SLC9B2: variants seen among roughly 807,000 people sequenced by gnomAD.
SLC9B2 encodes sodium/hydrogen exchanger 9B2.
Under a neutral mutation model 52.2 loss-of-function variants are expected in SLC9B2, and 39 were observed. The ratio of observed to expected loss-of-function variants is 0.75; its 90% CI spans 0.58 to 0.98. The LOEUF (loss-of-function observed/expected upper bound fraction) is 0.98, where lower values mean the gene tolerates loss of function less well. SLC9B2 is among the 50% of genes least tolerant of loss of function. The pLI is 0.00. For synonymous variants in SLC9B2, 214 were observed against 227.0 expected (o/e 0.94, Z 0.51); for missense variants, 626 against 637.5 (o/e 0.98, Z 0.19).
chr4:103,040,734 G>A (rs1743562150), intron 9 of SLC9B2, among the ~76,000 whole-genome samples: 1 of 152,192 alleles, frequency 6.6e-6, no homozygotes, highest in Admixed American at 6.6e-5. Context: ...CAATTTCACT[G>A]TTAAAGAAAC....
chr4:103,038,170 CT>C (rs1743337790), intron 9 of SLC9B2, among the ~76,000 whole-genome samples: 1 of 152,080 alleles, frequency 6.6e-6, no homozygotes. Context: ...CAACGTAAGA[CT>C]TTAGTTGATA....
In SLC9B2 at chr4:103,024,079, T is replaced by A. The variant is rs1742001470; in HGVS notation, c.*2291A>T. On this transcript the variant is annotated 3_prime_UTR_variant, in exon 12 of 12. Coordinates refer to ENST00000394785, the MANE Select transcript of SLC9B2 (RefSeq NM_178833.7). ...TTGGATTGATTGAGTGCTCCTGCCA[T>A]GAGCTCCCTAGCAGCCCTGTAGTTC... Among the ~76,000 whole-genome samples the A allele has an allele frequency of 6.6e-6, 1 of 152,180 alleles. No individual in the cohort carries two copies. Among genetic ancestry groups the A allele is most frequent in the African/African-American group, 2.4e-5 (1 of 41,444 alleles).
chr4:103,037,868 T>A (rs1436158761), intron 9 of SLC9B2, among the ~76,000 whole-genome samples: 1 of 152,038 alleles, frequency 6.6e-6, no homozygotes, highest in Non-Finnish European at 1.5e-5. Context: ...TAAGACTTTT[T>A]TTTTTTTTTT....
At position 103,066,450 on chromosome 4, in the gene SLC9B2, T is replaced by C. The variant is rs754114998; in HGVS notation, c.148A>G (p.Ile50Val). The C allele has an allele frequency of 6.2e-7, 1 of 1,614,136 alleles. No homozygotes were observed. The highest frequency in any genetic ancestry group is 1.1e-5 in the South Asian group (1 of 91,080). The change falls in exon 3 of 12, where the codon ATT becomes GTT. Residue 50 changes from isoleucine (I) to valine (V), a missense_variant. Ile to Val is a conservative substitution (Grantham distance 29, BLOSUM62 3). Coordinates refer to ENST00000394785, the MANE Select transcript of SLC9B2 (RefSeq NM_178833.7). ...IDANEPTEGS[I>V]LLKSSEKKLQ... The stretch of plus-strand genomic sequence containing the variant: ...TTTTTTTCACTGCTTTTCAAAAGAA[T>C]ACTTCCTTCTGTTGGTTCATTTGCA...
At chr4:103,037,688 A>G (rs1294041353) in intron 9 of SLC9B2, among the ~76,000 whole-genome samples, 1 of 152,204 alleles carries the variant, frequency 6.6e-6, no homozygotes, top group Non-Finnish European at 1.5e-5. Flanking sequence ...CTTGCCTCTC[A>G]GCACCTCACT....
chr4:103,043,271 C>A (rs772669553), intron 9 of SLC9B2, 25 bp downstream of exon 9: 2 of 1,585,744 alleles, frequency 1.3e-6, no homozygotes, highest in Non-Finnish European at 1.7e-6. Context: ...GAGTCATGAG[C>A]AGAAAAACTT....
intron 10 of SLC9B2, among the ~76,000 whole-genome samples, chr4:103,031,066 C>G (rs141652869): frequency 2.0e-5 from 3 of 151,610 alleles, no homozygotes; most frequent in Non-Finnish European, 4.4e-5. Context: ...AAGAAAATTG[C>G]GACATGGATA....
intron 10 of SLC9B2, among the ~76,000 whole-genome samples, chr4:103,030,651 T>C (rs919101292): frequency 6.6e-6 from 1 of 151,910 alleles, no homozygotes; most frequent in African/African-American, 2.4e-5. Context: ...AGGAATTTTA[T>C]ATATATATAA....
At chr4:103,041,199 T>C (rs895236391) in intron 9 of SLC9B2, among the ~76,000 whole-genome samples, 3 of 152,144 alleles carry the variant, frequency 2.0e-5, no homozygotes, top group Non-Finnish European at 2.9e-5. Context: ...AGACTGGAAA[T>C]AACCTTATAA....
At chr4:103,060,142 C>T (rs1228211101) in intron 3 of SLC9B2, among the ~76,000 whole-genome samples, 2 of 151,652 alleles carry the variant, frequency 1.3e-5, no homozygotes, top group African/African-American at 4.8e-5. Context: ...AAAATCAGTT[C>T]TGGAAAATTC....
In SLC9B2 at chr4:103,063,597, A is replaced by G. The variant is rs188308826; in HGVS notation, c.271+2730T>C. Among the ~76,000 whole-genome samples, 204 of 146,554 alleles carry G rather than the reference A, an allele frequency of 1.4e-3. 2 individuals are homozygous for G. The highest frequency in any genetic ancestry group is 4.9e-3 in the African/African-American group (199 of 41,004). Reference sequence around the variant, plus strand: ...AGACATAAAATTATGAAACTATTAGAAAAAAAACATAAATAAAAAGCTCCA... The same window carrying G: ...AGACATAAAATTATGAAACTATTAGGAAAAAAACATAAATAAAAAGCTCCA... On this transcript the variant is annotated intron_variant, in intron 3 of 11. Transcript: ENST00000394785.
chr4:103,046,950 T>C, intron 7 of SLC9B2, 101 bp downstream of exon 7: 1 of 1,364,736 alleles, frequency 7.3e-7, no homozygotes, highest in Non-Finnish European at 1.0e-6. Flanking sequence ...TATTTTTAAT[T>C]TGCCTTAATC....
chr4:103,066,478 T>C lies in SLC9B2; in HGVS notation c.120A>G (p.Ile40Met). 2 of 1,614,060 alleles carry C rather than the reference T, an allele frequency of 1.2e-6. No individual in the cohort carries two copies. The highest frequency in any genetic ancestry group is 1.7e-6 in the Non-Finnish European group (2 of 1,179,906). Residue 40 changes from isoleucine (I) to methionine (M), a missense_variant, in exon 3 of 12, where the codon ATA (isoleucine) becomes ATG (methionine). By Grantham distance (10) the Ile-to-Met change is conservative (BLOSUM62 1). Transcript: ENST00000394785. ...TTCCTTCTGTTGGTTCATTTGCATC[T>C]ATACCTTTGAGCTTCATAACTGTCT... is the stretch of plus-strand genomic sequence containing the variant. The part of the protein sequence containing the change: ...QEETVMKLKG[I>M]DANEPTEGSI...
At chr4:103,073,399 T>C (rs1578489514) in intron 1 of SLC9B2, among the ~76,000 whole-genome samples, 1 of 152,214 alleles carries the variant, frequency 6.6e-6, no homozygotes, top group South Asian at 2.1e-4. Context: ...CATTCCAGTT[T>C]CTGTATTTGC....
At chr4:103,072,264 G>A (rs545003859) in intron 1 of SLC9B2, among the ~76,000 whole-genome samples, 98 of 151,870 alleles carry the variant, frequency 6.5e-4, no homozygotes, top group Non-Finnish European at 1.2e-3. Flanking sequence ...TCACCATGTT[G>A]GCCAGGCTGG....
At chr4:103,039,633 A>C (rs530663475) in intron 9 of SLC9B2, among the ~76,000 whole-genome samples, 37 of 146,864 alleles carry the variant, frequency 2.5e-4, no homozygotes, top group African/African-American at 8.3e-4. Flanking sequence ...ATTTTTATAT[A>C]TTCAAATGGT....
At chr4:103,060,836 T>C (rs992515028) in intron 3 of SLC9B2, among the ~76,000 whole-genome samples, 55 of 152,194 alleles carry the variant, frequency 3.6e-4, no homozygotes, top group African/African-American at 1.3e-3. Flanking sequence ...CAAATTGAAT[T>C]TTTTCTGTGA....
rs1430170839 is a variant in SLC9B2 at position 103,024,581 on chromosome 4, C to T, written c.*1789G>A. ...ATGGACAGGCTTTATTTATGCAGAT[C>T]AGCTTGGTGGGATTAGGATATTCAT... On this transcript the variant is annotated 3_prime_UTR_variant, in exon 12 of 12. Coordinates refer to ENST00000394785, the MANE Select transcript of SLC9B2 (RefSeq NM_178833.7). Among the ~76,000 whole-genome samples, 1 of 152,158 alleles carries T rather than the reference C, an allele frequency of 6.6e-6. No homozygotes were observed. The highest frequency in any genetic ancestry group is 1.5e-5 in the Non-Finnish European group (1 of 68,036).
chr4:103,057,216 G>A (rs1745201194), intron 4 of SLC9B2, among the ~76,000 whole-genome samples: 1 of 147,592 alleles, frequency 6.8e-6, no homozygotes, highest in South Asian at 2.1e-4. Context: ...AGCACTGAAT[G>A]CTTGTTTTTA....
Sources: gnomAD v4.1 joint callset for allele counts (sites outside exome capture counted in the v4.1 genomes callset) on GRCh38, gnomAD v4.1.1 for gene constraint, MANE v1.5 for transcripts, NCBI Gene and HGNC (gene_info 2026-07-23, HGNC 2026-07-21) for gene names.